Variants in EDDM13 observed in about 807,000 individuals in gnomAD.
The protein encoded by EDDM13 is epididymal protein 13.
Under a neutral mutation model 17.8 loss-of-function variants are expected in EDDM13, and 24 were observed. That is an observed-to-expected ratio of 1.35 (90% CI 0.98 to 1.90). EDDM13 has a LOEUF of 1.90. EDDM13 is among the 40% of genes most tolerant of loss of function. EDDM13 has a pLI of 0.00. For missense variants in EDDM13, 97 were observed against 100.8 expected, an observed-to-expected ratio of 0.96 and a Z score of 0.16; for synonymous variants, 31 against 37.5, an observed-to-expected ratio of 0.83 and a Z score of 0.63.
At chr19:56,282,570 G>C (rs1019605140) in intron 4 of EDDM13, 71 bp downstream of exon 4, 69 of 923,852 alleles carry the variant, frequency 7.5e-5, no homozygotes, top group Non-Finnish European at 8.3e-5. Context: ...CATTGCTGCT[G>C]AACTTCGACT....
At chr19:56,274,478 A>C (rs1008653987) in intron 1 of EDDM13, 5 of 151,984 alleles carry the variant, frequency 3.3e-5, no homozygotes, top group Admixed American at 1.3e-4. Context: ...AAAAAAAAAA[A>C]AACTCTGTAG....
At chr19:56,300,802 TAA>T (rs113042044) in intron 12 of EDDM13, among the ~76,000 whole-genome samples, 1 of 149,150 alleles carries the variant, frequency 6.7e-6, no homozygotes, top group Admixed American at 6.7e-5. Flanking sequence ...GGTTTACGTG[TAA>T]AAAAAAAATG....
At chr19:56,289,056 C>G (rs12978758) in intron 8 of EDDM13, among the ~76,000 whole-genome samples, 165 bp downstream of exon 8, 20,844 of 152,196 alleles carry the variant, frequency 0.14, 1,712 homozygotes, top group Middle Eastern at 0.21. Flanking sequence ...GCCAAAGAAT[C>G]TAAGCTATGC....
At chr19:56,295,191 G>T (rs1428403709) in intron 9 of EDDM13, 1 of 152,162 alleles carries the variant, frequency 6.6e-6, no homozygotes, top group Non-Finnish European at 1.5e-5. Flanking sequence ...TAATATACCA[G>T]TCAAGTTGTT....
chr19:56,301,894 G>C, intron 12 of EDDM13, 74 bp from the exon 13 acceptor site: 1 of 1,231,138 alleles, frequency 8.1e-7, no homozygotes, highest in African/African-American at 1.6e-5. Flanking sequence ...AGAATGGAGA[G>C]ACAGCAGTGA....
chr19:56,285,869 CCTAT>C (rs1247187105), intron 6 of EDDM13, among the ~76,000 whole-genome samples: 3 of 152,110 alleles, frequency 2.0e-5, no homozygotes, highest in African/African-American at 7.2e-5. Flanking sequence ...TTTGCAAATT[CCTAT>C]CTGTTAAGTT....
intron 12 of EDDM13, among the ~76,000 whole-genome samples, chr19:56,299,227 G>C (rs984283194): frequency 2.6e-5 from 4 of 151,698 alleles, no homozygotes; most frequent in African/African-American, 4.8e-5. Flanking sequence ...AAACTCCTAG[G>C]CTCAAGTGAT....
chr19:56,308,559 G>C (rs2040846535), intron 14 of EDDM13, among the ~76,000 whole-genome samples: 1 of 149,904 alleles, frequency 6.7e-6, no homozygotes, highest in Admixed American at 6.6e-5. Context: ...CCTGACCTCA[G>C]GTGACCCACC....
intron 13 of EDDM13, 150 bp downstream of exon 13, chr19:56,302,245 C>T (rs2040287340): frequency 4.6e-6 from 2 of 433,936 alleles, no homozygotes; most frequent in Admixed American, 8.8e-5. Flanking sequence ...TCTCTTCTTC[C>T]CACTCTCCCA....
At chr19:56,291,469 T>C (rs1382362357) in intron 9 of EDDM13, among the ~76,000 whole-genome samples, 1 of 152,186 alleles carries the variant, frequency 6.6e-6, no homozygotes, top group Non-Finnish European at 1.5e-5. Flanking sequence ...ATTTCTCTTT[T>C]TTGGGAAGAT....
Position 56,285,701 on chromosome 19 carries a change from G to A in EDDM13, c.154+677G>A, listed in dbSNP as rs750271536. Among the ~76,000 whole-genome samples the A allele has an allele frequency of 5.3e-5, 8 of 152,004 alleles. No homozygotes were observed. The South Asian group carries it at 8.3e-4, about 16-fold the overall frequency. On this transcript the variant is annotated intron_variant, in intron 6 of 14. Transcript: ENST00000649256. ...TCACTATGTCGGCCAGGCTGGTCTC[G>A]AACTCCTGACCTCGTGATCCGCCCG...
chr19:56,299,136 A>C (rs1022118117), intron 12 of EDDM13, among the ~76,000 whole-genome samples: 1 of 151,932 alleles, frequency 6.6e-6, no homozygotes, highest in Non-Finnish European at 1.5e-5. Context: ...TACAGCTTAC[A>C]TTATTTTTTT....
At chr19:56,308,949 G>A (rs2040867036) in intron 14 of EDDM13, among the ~76,000 whole-genome samples, 1 of 152,202 alleles carries the variant, frequency 6.6e-6, no homozygotes, top group South Asian at 2.1e-4. Flanking sequence ...AACTTTCTCT[G>A]TGAAGGGCCA....
At chr19:56,303,947 C>G (rs1217941339) in intron 13 of EDDM13, among the ~76,000 whole-genome samples, 1 of 152,112 alleles carries the variant, frequency 6.6e-6, no homozygotes. Context: ...CTTCGAGGAA[C>G]CAAAGGAACA....
chr19:56,292,449 C>A (rs906248373), intron 9 of EDDM13, among the ~76,000 whole-genome samples: 1 of 117,424 alleles, frequency 8.5e-6, no homozygotes, highest in Non-Finnish European at 1.9e-5. Flanking sequence ...GTTTTTTTGT[C>A]TGTTTTTACT....
At chr19:56,281,371 T>C (rs1251619116) in intron 2 of EDDM13, among the ~76,000 whole-genome samples, 1 of 152,090 alleles carries the variant, frequency 6.6e-6, no homozygotes, top group African/African-American at 2.4e-5. Flanking sequence ...TGTACACATA[T>C]ACATTTACAT....
At chr19:56,277,017 G>A (rs186322464) in intron 2 of EDDM13, among the ~76,000 whole-genome samples, 1 of 152,130 alleles carries the variant, frequency 6.6e-6, no homozygotes, top group South Asian at 2.1e-4. Flanking sequence ...TCAGAAAAAT[G>A]GAAGCCAAAG....
chr19:56,301,206 C>A (rs927819648), intron 12 of EDDM13, among the ~76,000 whole-genome samples: 2 of 152,198 alleles, frequency 1.3e-5, no homozygotes, highest in Non-Finnish European at 2.9e-5. Flanking sequence ...ATAGGCAGAG[C>A]AGCAGCAAGG....
intron 13 of EDDM13, among the ~76,000 whole-genome samples, chr19:56,303,228 G>A (rs192073666): frequency 4.1e-4 from 63 of 152,206 alleles, no homozygotes; most frequent in Middle Eastern, 6.8e-3. Flanking sequence ...GCTTGTCATC[G>A]CAGCACTGTG....
Sources: gnomAD v4.1 joint callset for allele counts (sites outside exome capture counted in the v4.1 genomes callset) on GRCh38, gnomAD v4.1.1 for gene constraint, MANE v1.5 for transcripts, NCBI Gene and HGNC (gene_info 2026-07-23, HGNC 2026-07-21) for gene names.